The following ARID1B variants were observed in gnomAD, a reference collection of about 807,000 sequenced individuals.
The protein encoded by ARID1B is AT-rich interactive domain-containing protein 1B.
ARID1B carries 30 observed loss-of-function variants against 212.3 expected under a neutral mutation model. That is an observed-to-expected ratio of 0.14 (90% CI 0.11 to 0.19). The LOEUF (loss-of-function observed/expected upper bound fraction) is 0.19. ARID1B is among the 10% of genes least tolerant of loss of function. The pLI is 1.00. For missense variants in ARID1B, 2,891 were observed against 3,204.0 expected (o/e 0.90, Z 2.36); for synonymous variants, 1,402 against 1,301.7 (o/e 1.08, Z -1.66).
At chr6:157,158,159 T>C (rs1790691731) in intron 8 of ARID1B, among the ~76,000 whole-genome samples, 1 of 152,254 alleles carries the variant, frequency 6.6e-6, no homozygotes, top group Admixed American at 6.5e-5. Context: ...GTCTGAATCC[T>C]GTCCTGCACA....
At chr6:156,860,837 C>T (rs1192988607) in intron 2 of ARID1B, among the ~76,000 whole-genome samples, 1 of 152,160 alleles carries the variant, frequency 6.6e-6, no homozygotes, top group Non-Finnish European at 1.5e-5. Context: ...CCCTCTACTT[C>T]TTTTCTAGCT....
intron 4 of ARID1B, among the ~76,000 whole-genome samples, chr6:157,002,326 G>A (rs1009091227): frequency 1.3e-5 from 2 of 152,096 alleles, no homozygotes; most frequent in African/African-American, 4.8e-5. Context: ...TTATCTTTAT[G>A]TTATCTTTAC....
chr6:156,996,956 T>C (rs547291018), intron 4 of ARID1B, among the ~76,000 whole-genome samples: 1 of 152,156 alleles, frequency 6.6e-6, no homozygotes, highest in South Asian at 2.1e-4. Context: ...TATTTGATGT[T>C]GAGAAGGGAA....
chr6:157,042,773 C>T (rs1000820323), intron 4 of ARID1B, among the ~76,000 whole-genome samples: 1 of 151,874 alleles, frequency 6.6e-6, no homozygotes, highest in African/African-American at 2.4e-5. Context: ...ATTCTCCTGC[C>T]TCAGCCTCCC....
At position 156,861,171 on chromosome 6, in the gene ARID1B, G is replaced by A. The variant is rs189134715; in HGVS notation, c.1986+31750G>A. Among the ~76,000 whole-genome samples the A allele has an allele frequency of 2.1e-3, 325 of 152,326 alleles. 2 individuals are homozygous for A. Among genetic ancestry groups the A allele is most frequent in the African/African-American group, 7.3e-3 (305 of 41,560 alleles). ...GCCAGTGAAGGAACAACAGGACTCT[G>A]TGTGTTTGGTGGTGGGGAGGGGGGA... On this transcript the variant is annotated intron_variant, in intron 2 of 19. Coordinates refer to ENST00000636930, the MANE Select transcript of ARID1B (RefSeq NM_001374828.1).
chr6:156,987,677 A>G (rs1778017689), intron 4 of ARID1B, among the ~76,000 whole-genome samples: 1 of 152,010 alleles, frequency 6.6e-6, no homozygotes, highest in Non-Finnish European at 1.5e-5. Context: ...ATTTGACATC[A>G]CTTGAATTTC....
intron 3 of ARID1B, among the ~76,000 whole-genome samples, chr6:156,905,784 G>A (rs1789326041): frequency 6.6e-6 from 1 of 151,538 alleles, no homozygotes; most frequent in South Asian, 2.1e-4. Flanking sequence ...TTTTCCTTTT[G>A]CTATTCGTAT....
chr6:156,834,332 ATAACT>A lies in ARID1B; in HGVS notation c.1986+4913_1986+4917del, dbSNP rs199768776. ...GTGTGTCCAGGATGAGAAAGGATAG[ATAACT>A]TGACTAAGTATAATGGAGAGGAATG... is the stretch of plus-strand genomic sequence containing the variant. On this transcript the variant is annotated intron_variant, in intron 2 of 19. Transcript: ENST00000636930. Among the ~76,000 whole-genome samples the A allele has an allele frequency of 3.9e-5, 6 of 152,302 alleles. No individual in the cohort carries two copies. In the East Asian group the frequency reaches 1.2e-3, roughly 29 times the overall value.
At chr6:157,204,200 A>G in intron 19 of ARID1B, 1 of 578,576 alleles carries the variant, frequency 1.7e-6, no homozygotes. Context: ...GTACACACAC[A>G]TACCTCTATT....
At chr6:157,067,955 A>G (rs1001043205) in intron 4 of ARID1B, among the ~76,000 whole-genome samples, 16 of 152,212 alleles carry the variant, frequency 1.1e-4, no homozygotes, top group Non-Finnish European at 1.9e-4. Flanking sequence ...AAGACCTAAA[A>G]CAATCGTAGG....
chr6:156,934,341 ATGTGG>A (rs912353291), intron 3 of ARID1B, among the ~76,000 whole-genome samples: 18 of 152,272 alleles, frequency 1.2e-4, no homozygotes, highest in Admixed American at 1.1e-3. Context: ...TATACAGTAA[ATGTGG>A]TGTGGTGTGG....
intron 4 of ARID1B, among the ~76,000 whole-genome samples, chr6:156,975,641 A>T (rs532968132): frequency 7.2e-6 from 1 of 138,336 alleles, no homozygotes; most frequent in Non-Finnish European, 1.5e-5. Context: ...CAGTTCCTTA[A>T]AGATACTGGT....
chr6:156,901,461 C>G lies in ARID1B; in HGVS notation c.2072C>G (p.Pro691Arg). Reference sequence around the variant, plus strand: ...TATTACAGCCAGCAGCCGCAGCCCCCGCACCTCCCACCCCAGGCGCAGTAT... The same window carrying G: ...TATTACAGCCAGCAGCCGCAGCCCCGGCACCTCCCACCCCAGGCGCAGTAT... ...QPYYSQQPQPPHLPPQAQYLP... is the reference protein window; with the variant it reads ...QPYYSQQPQPRHLPPQAQYLP... Residue 691 changes from proline to arginine, a missense_variant, in exon 3 of 20, where the codon CCG (proline) becomes CGG (arginine). Physicochemically the swap from Pro to Arg is moderately radical, Grantham distance 103. This residue lies in a region of ARID1B where 1,643 missense variants were observed against 1,544.0 expected (regional missense o/e 1.06). Coordinates refer to ENST00000636930, the MANE Select transcript of ARID1B (RefSeq NM_001374828.1). 6.2e-7 allele frequency: 1 copy of G among 1,614,086 alleles called. No individual in the cohort carries two copies. Among genetic ancestry groups the G allele is most frequent in the Non-Finnish European group, 8.5e-7 (1 of 1,180,032 alleles).
chr6:156,842,858 A>G (rs1350189668), intron 2 of ARID1B, among the ~76,000 whole-genome samples: 1 of 152,206 alleles, frequency 6.6e-6, no homozygotes, highest in Non-Finnish European at 1.5e-5. Flanking sequence ...TCACTTTGCC[A>G]GTGGGGAAAC....
rs78756506 is a variant in ARID1B, at chr6:157,017,066, C to A, written c.2248-67596C>A. ...ACCTGTTTCCCTTTGCTTAGTGTGG[C>A]TGCTAGGAAATGGTAAATTACAAAT... On this transcript the variant is annotated intron_variant, in intron 4 of 19. Coordinates refer to ENST00000636930, the MANE Select transcript of ARID1B (RefSeq NM_001374828.1). Among the ~76,000 whole-genome samples, 847 of 152,260 alleles carry A rather than the reference C, an allele frequency of 5.6e-3. 14 individuals carry two copies. Among genetic ancestry groups the A allele is most frequent in the African/African-American group, 0.02 (818 of 41,546 alleles).
chr6:157,103,473 A>G (rs1786231120), intron 5 of ARID1B, among the ~76,000 whole-genome samples: 2 of 152,210 alleles, frequency 1.3e-5, no homozygotes, highest in Non-Finnish European at 2.9e-5. Flanking sequence ...TGACTGCCCC[A>G]CCATCTTGTT....
chr6:157,155,472 T>G (rs1303183762), intron 8 of ARID1B, among the ~76,000 whole-genome samples: 1 of 151,496 alleles, frequency 6.6e-6, no homozygotes, highest in East Asian at 1.9e-4. Context: ...CTCAGACTTC[T>G]TAATTTCAAA....
Position 157,203,732 on chromosome 6 carries a change from G to A in ARID1B, c.5264-134G>A. ...AAATCGGAAATGATCACGCTTAACT[G>A]TCCTTGAGAGCATTTGTTTAAAGTC... On this transcript the variant is annotated intron_variant, in intron 18 of 19. Coordinates refer to ENST00000636930, the MANE Select transcript of ARID1B (RefSeq NM_001374828.1). The surrounding 1 kb of genome is among the most constrained non-coding windows in gnomAD (Gnocchi z 4.4). 1.8e-6 allele frequency: 2 copies of A among 1,125,612 alleles called. No individual in the cohort carries two copies. Among genetic ancestry groups the A allele is most frequent in the Non-Finnish European group, 2.6e-6 (2 of 767,374 alleles). The allele number at this position is 1,125,612 out of a possible 1,614,324, so 69.7% of individuals were successfully genotyped here.
At chr6:157,011,682 A>T (rs1779617826) in intron 4 of ARID1B, among the ~76,000 whole-genome samples, 1 of 152,208 alleles carries the variant, frequency 6.6e-6, no homozygotes, top group Admixed American at 6.5e-5. Context: ...TATAGTGTTA[A>T]TGTGAATATT....
Sources: gnomAD v4.1 joint callset for allele counts (sites outside exome capture counted in the v4.1 genomes callset) on GRCh38, gnomAD v4.1.1 for gene constraint, gnomAD v4.1.1 regional missense constraint, Gnocchi (gnomAD v3.1) non-coding constraint, MANE v1.5 for transcripts, NCBI Gene and HGNC (gene_info 2026-07-23, HGNC 2026-07-21) for gene names.